Variants in CHST9 observed in about 807,000 individuals in gnomAD.
CHST9 encodes the protein GalNAc-4-sulfotransferase 2.
Under a neutral mutation model 44.4 loss-of-function variants are expected in CHST9, and 41 were observed. The ratio of observed to expected loss-of-function variants is 0.92; its 90% CI spans 0.72 to 1.20. The LOEUF is 1.20. Ranked by LOEUF, CHST9 falls within the 50% of genes most tolerant of loss-of-function variation. The probability of loss-of-function intolerance (pLI) is 0.00; values close to 1 mark genes in which losing one functional copy is unlikely to be tolerated. For synonymous variants in CHST9, 171 were observed against 178.4 expected (o/e 0.96, Z 0.33); for missense variants, 504 against 516.5 (o/e 0.98, Z 0.23).
intron 1 of CHST9, among the ~76,000 whole-genome samples, chr18:27,149,439 A>C (rs2058642070): frequency 6.6e-6 from 1 of 152,012 alleles, no homozygotes; most frequent in African/African-American, 2.4e-5. Flanking sequence ...TATCCATTGT[A>C]TCACTGATGG....
chr18:27,141,757 A>G (rs938249779), intron 2 of CHST9, among the ~76,000 whole-genome samples: 19 of 151,548 alleles, frequency 1.3e-4, no homozygotes, highest in African/African-American at 1.9e-4. Flanking sequence ...AAAAAAAAAA[A>G]AAAGAAAATG....
intron 2 of CHST9, among the ~76,000 whole-genome samples, chr18:27,112,375 CTTTA>C (rs1404920617): frequency 6.6e-6 from 1 of 151,298 alleles, no homozygotes; most frequent in African/African-American, 2.4e-5. Context: ...TAAACACAGA[CTTTA>C]TTTATGTTTT....
intron 5 of CHST9, chr18:26,924,516 C>T (rs1207989241): frequency 1.8e-6 from 1 of 561,068 alleles, no homozygotes; most frequent in African/African-American, 2.0e-5. Flanking sequence ...AGGCACTGCC[C>T]AGGGAGTAAT....
intron 2 of CHST9, among the ~76,000 whole-genome samples, chr18:27,110,585 G>C (rs1206801323): frequency 6.6e-6 from 1 of 152,144 alleles, no homozygotes; most frequent in Non-Finnish European, 1.5e-5. Flanking sequence ...CAAGGCCTCA[G>C]TTGTTTCTAG....
chr18:27,156,338 T>C (rs1005459746), intron 1 of CHST9, among the ~76,000 whole-genome samples: 2 of 152,098 alleles, frequency 1.3e-5, no homozygotes, highest in East Asian at 1.9e-4. Context: ...ATGTGAGATA[T>C]ACCCTTTAAC....
intron 3 of CHST9, among the ~76,000 whole-genome samples, chr18:27,048,110 T>C (rs1038723094): frequency 1.3e-5 from 2 of 152,118 alleles, no homozygotes; most frequent in Non-Finnish European, 2.9e-5. Context: ...AGAAATAAAA[T>C]TGAGATTCAT....
At chr18:26,989,188 T>G (rs1301386709) in intron 4 of CHST9, among the ~76,000 whole-genome samples, 1 of 151,970 alleles carries the variant, frequency 6.6e-6, no homozygotes, top group East Asian at 1.9e-4. Flanking sequence ...GCAAAGCATA[T>G]CACTGATAAA....
intron 2 of CHST9, among the ~76,000 whole-genome samples, chr18:27,090,806 T>C (rs1281146422): frequency 6.6e-6 from 1 of 152,232 alleles, no homozygotes; most frequent in Non-Finnish European, 1.5e-5. Flanking sequence ...TTGGTCTATA[T>C]ATCTATTTTG....
intron 4 of CHST9, among the ~76,000 whole-genome samples, chr18:26,958,178 G>A (rs1339643544): frequency 4.0e-5 from 6 of 151,856 alleles, no homozygotes; most frequent in African/African-American, 1.2e-4. Flanking sequence ...GAGCCACTGC[G>A]CCTGATTCTC....
At position 26,955,947 on chromosome 18, in the gene CHST9, A is replaced by G. The variant is rs190826505; in HGVS notation, c.203-11581T>C. Among the ~76,000 whole-genome samples, 48 of 152,260 alleles carry G rather than the reference A, an allele frequency of 3.2e-4. No individual in the cohort carries two copies. The East Asian group carries it at 9.1e-3, about 29-fold the overall frequency. Reference sequence around the variant, plus strand: ...ATTTCTGTGAGTTATAGCCATTTAAATATGAGAAAAAATTACCTCTTCCCT... The same window carrying G: ...ATTTCTGTGAGTTATAGCCATTTAAGTATGAGAAAAAATTACCTCTTCCCT... On this transcript the variant is annotated intron_variant, in intron 4 of 5. Coordinates refer to ENST00000618847, the MANE Select transcript of CHST9 (RefSeq NM_031422.6).
chr18:27,068,768 C>A (rs2057808744), intron 2 of CHST9, among the ~76,000 whole-genome samples: 1 of 152,164 alleles, frequency 6.6e-6, no homozygotes, highest in South Asian at 2.1e-4. Flanking sequence ...ATCTCTGGGA[C>A]AACTGCAGGT....
chr18:27,134,708 T>A (rs1434386707), intron 2 of CHST9, among the ~76,000 whole-genome samples: 1 of 152,216 alleles, frequency 6.6e-6, no homozygotes, highest in African/African-American at 2.4e-5. Context: ...ATAGGCACAT[T>A]GCTATGTGCC....
At chr18:27,156,390 C>A (rs1011880537) in intron 1 of CHST9, among the ~76,000 whole-genome samples, 2 of 152,012 alleles carry the variant, frequency 1.3e-5, no homozygotes, top group African/African-American at 4.8e-5. Context: ...TGTATATAAT[C>A]AATACTAATT....
intron 4 of CHST9, among the ~76,000 whole-genome samples, chr18:27,012,796 A>G (rs1038919481): frequency 2.0e-5 from 3 of 152,268 alleles, no homozygotes; most frequent in Admixed American, 1.3e-4. Flanking sequence ...CAAAAGGTAC[A>G]GTAATTATAA....
chr18:27,099,494 C>CA (rs1255013288), intron 2 of CHST9, among the ~76,000 whole-genome samples: 6 of 151,546 alleles, frequency 4.0e-5, no homozygotes, highest in Middle Eastern at 3.4e-3. Flanking sequence ...CTTGAACAAG[C>CA]AAAAAAACAG....
chr18:26,998,243 A>C (rs928131972), intron 4 of CHST9, among the ~76,000 whole-genome samples: 5 of 152,046 alleles, frequency 3.3e-5, no homozygotes, highest in Non-Finnish European at 7.4e-5. Flanking sequence ...GCTGGATCTC[A>C]CTCACTGGTT....
chr18:26,923,278 C>G (rs974049568), intron 5 of CHST9, among the ~76,000 whole-genome samples: 2 of 152,124 alleles, frequency 1.3e-5, no homozygotes, highest in African/African-American at 4.8e-5. Flanking sequence ...AAGACTGGCC[C>G]AGTTTGAGTG....
intron 4 of CHST9, among the ~76,000 whole-genome samples, chr18:27,000,635 T>C (rs139903118): frequency 6.4e-4 from 94 of 147,222 alleles, no homozygotes; most frequent in African/African-American, 2.3e-3. Context: ...TATCTATCTA[T>C]CTATCTATCT....
At chr18:27,094,614 G>C (rs11663330) in intron 2 of CHST9, among the ~76,000 whole-genome samples, 51,847 of 151,722 alleles carry the variant, frequency 0.34, 9,206 homozygotes, top group East Asian at 0.49. Flanking sequence ...ATATATCAAA[G>C]AGAGATTTCA....
Sources: allele counts gnomAD v4.1 joint callset (sites outside exome capture counted in the v4.1 genomes callset), GRCh38; gene constraint gnomAD v4.1.1; transcripts MANE v1.5; gene names NCBI Gene and HGNC (gene_info 2026-07-23, HGNC 2026-07-21).